The following TBCD variants were observed in gnomAD, a reference collection of about 807,000 sequenced individuals.
The protein encoded by TBCD is tubulin-specific chaperone D.
In TBCD, 105 loss-of-function variants were observed where a neutral mutation model predicts 169.3. That is an observed-to-expected ratio of 0.62 (90% confidence interval 0.53 to 0.73). TBCD has a LOEUF of 0.73. Among genes scored for constraint, TBCD ranks in the 30% least tolerant of loss-of-function variants. The probability of loss-of-function intolerance (pLI) is 0.00; values close to 1 mark genes in which losing one functional copy is unlikely to be tolerated. For synonymous variants in TBCD, 700 were observed against 643.9 expected (o/e 1.09, Z -1.32); for missense variants, 1,444 against 1,600.1 (o/e 0.90, Z 1.66).
intron 7 of TBCD, among the ~76,000 whole-genome samples, chr17:82,793,028 G>T (rs1008557436): frequency 6.6e-6 from 1 of 152,092 alleles, no homozygotes; most frequent in East Asian, 1.9e-4. Flanking sequence ...CTCCCAAAGC[G>T]CTCGGATTCT....
chr17:82,827,009 A>C (rs2052909588), intron 13 of TBCD, among the ~76,000 whole-genome samples: 5 of 152,162 alleles, frequency 3.3e-5, no homozygotes, highest in Admixed American at 3.3e-4. Flanking sequence ...GACCTCAAGC[A>C]ATCCATCCGC....
chr17:82,876,578 G>C (rs1430023978), intron 14 of TBCD, among the ~76,000 whole-genome samples: 1 of 152,208 alleles, frequency 6.6e-6, no homozygotes, highest in Non-Finnish European at 1.5e-5. Flanking sequence ...TTTGTTCTGA[G>C]AATGAGAAAA....
rs140151836 is a variant in TBCD at position 82,937,331 on chromosome 17, T to C, written c.3252T>C (p.Asp1084=). Residue 1084 remains aspartate (D), a synonymous_variant, in exon 35 of 39, where the codon GAT becomes GAC. Transcript: ENST00000355528. The part of the protein sequence containing the change: ...LCKKEIKNSK[D]IQKLLSGIAV... ...AGAAAGAAATCAAGAATTCAAAAGA[T>C]ATCCAGAAGCTCCTGTCAGGCATCG... The C allele has an allele frequency of 2.2e-4, 348 of 1,614,012 alleles. 5 individuals carry two copies. The East Asian group carries it at 5.3e-3, about 25-fold the overall frequency.
At chr17:82,852,911 A>C (rs2055920215) in intron 13 of TBCD, among the ~76,000 whole-genome samples, 1 of 152,126 alleles carries the variant, frequency 6.6e-6, no homozygotes, top group Non-Finnish European at 1.5e-5. Flanking sequence ...AAGTTAAGGG[A>C]ATGAACGTAT....
chr17:82,916,311 C>G (rs1365901473), intron 23 of TBCD, among the ~76,000 whole-genome samples: 2 of 152,086 alleles, frequency 1.3e-5, no homozygotes, highest in African/African-American at 2.4e-5. Flanking sequence ...GTGGCGCGAT[C>G]TCGGCTCACT....
chr17:82,933,616 G>A (rs1008410697), intron 34 of TBCD, among the ~76,000 whole-genome samples: 1 of 140,094 alleles, frequency 7.1e-6, no homozygotes, highest in Non-Finnish European at 1.6e-5. Flanking sequence ...TGGGGGCACT[G>A]CTTTTTTTTT....
chr17:82,877,772 A>T (rs1043333497), intron 14 of TBCD, among the ~76,000 whole-genome samples: 4 of 152,256 alleles, frequency 2.6e-5, no homozygotes, highest in Non-Finnish European at 5.9e-5. Flanking sequence ...GTTCGTGCTA[A>T]TGTAACGTGA....
rs2062374983 is a variant in TBCD, at chr17:82,933,417, CTAA to C, written c.3191+684_3191+686del. Among the ~76,000 whole-genome samples, 3 of 151,596 alleles carry C rather than the reference CTAA, an allele frequency of 2.0e-5. No individual in the cohort carries two copies. In the South Asian group the frequency reaches 6.3e-4, roughly 32 times the overall value. ...GCATGCGCTGTAGTCTAATGTACGG[CTAA>C]TGTTTGTATTTTTAGTAGAGACAGG... On this transcript the variant is annotated intron_variant, in intron 34 of 38. Coordinates refer to ENST00000355528, the MANE Select transcript of TBCD (RefSeq NM_005993.5).
intron 14 of TBCD, among the ~76,000 whole-genome samples, chr17:82,878,124 G>A (rs961081009): frequency 6.6e-6 from 1 of 152,232 alleles, no homozygotes; most frequent in Admixed American, 6.5e-5. Context: ...AAGCCAGGAA[G>A]TGCAGTGTGG....
intron 13 of TBCD, 60 bp from the exon 14 acceptor site, chr17:82,870,164 A>C: frequency 6.2e-7 from 1 of 1,604,882 alleles, no homozygotes; most frequent in South Asian, 1.1e-5. Context: ...ACTTCTCTGA[A>C]GCCTCACGTG....
At chr17:82,871,612 C>T (rs772358413) in intron 14 of TBCD, among the ~76,000 whole-genome samples, 2 of 152,246 alleles carry the variant, frequency 1.3e-5, no homozygotes, top group South Asian at 2.1e-4. Flanking sequence ...TGGGATGCAG[C>T]GTCTGAAGCT....
intron 23 of TBCD, 98 bp downstream of exon 23, chr17:82,911,887 AG>A: frequency 7.9e-7 from 1 of 1,270,366 alleles, no homozygotes; most frequent in African/African-American, 1.5e-5. Context: ...ATTAGCCCCC[AG>A]GGTGAAGGGC....
chr17:82,926,892 T>G, intron 28 of TBCD: 1 of 518,656 alleles, frequency 1.9e-6, no homozygotes, highest in South Asian at 2.3e-5. Flanking sequence ...GCACGCCCCC[T>G]TCTCTCCTAT....
chr17:82,784,019 G>A (rs1210497335), intron 7 of TBCD, among the ~76,000 whole-genome samples: 2 of 151,908 alleles, frequency 1.3e-5, no homozygotes, highest in Non-Finnish European at 2.9e-5. Flanking sequence ...CAGCTACTCC[G>A]GAGGCTGAGG....
intron 13 of TBCD, chr17:82,829,528 G>A (rs947833696): frequency 2.0e-5 from 3 of 153,404 alleles, no homozygotes; most frequent in Non-Finnish European, 2.9e-5. Context: ...ACATCATTTT[G>A]GGGAATGGAA....
rs766660365 is a variant in TBCD at position 82,801,010 on chromosome 17, G to A, written c.950+14G>A. ...GGCAGCATGGAGGTAGGCACCATGA[G>A]GGCGGTGCCTGGGGAGGGCCACGGG... On this transcript the variant is annotated intron_variant, in intron 9 of 38. Coordinates refer to ENST00000355528, the MANE Select transcript of TBCD (RefSeq NM_005993.5). 6.9e-5 allele frequency: 110 copies of A among 1,603,004 alleles called. No homozygotes were observed. The highest frequency in any genetic ancestry group is 2.1e-4 in the Middle Eastern group (1 of 4,762).
At chr17:82,828,986 C>A (rs1296165388) in intron 13 of TBCD, among the ~76,000 whole-genome samples, 2 of 147,704 alleles carry the variant, frequency 1.4e-5, no homozygotes, top group South Asian at 2.2e-4. Context: ...ATCCCATATA[C>A]CCACCCCCAC....
chr17:82,849,910 G>GTGCTGTTGTTGGCTGTTT (rs1464608652), intron 13 of TBCD, among the ~76,000 whole-genome samples: 1 of 152,108 alleles, frequency 6.6e-6, no homozygotes, highest in Admixed American at 6.5e-5. Flanking sequence ...GTTGTTGGCT[G>GTGCTGTTGTTGGCTGTTT]TGCTGTTGTT....
intron 15 of TBCD, among the ~76,000 whole-genome samples, chr17:82,887,168 T>TGTGTGC: frequency 0.01 from 1,318 of 126,078 alleles, 12 homozygotes; most frequent in Middle Eastern, 0.024. Flanking sequence ...TGTGTGTGTG[T>TGTGTGC]GCGCGCGCGC....
Sources: allele counts gnomAD v4.1 joint callset (sites outside exome capture counted in the v4.1 genomes callset), GRCh38; gene constraint gnomAD v4.1.1; transcripts MANE v1.5; gene names NCBI Gene and HGNC (gene_info 2026-07-23, HGNC 2026-07-21).